MUC5AC: variants seen among roughly 807,000 people sequenced by gnomAD.
MUC5AC encodes mucin 5AC, oligomeric mucus/gel-forming, also known as mucin-5AC.
Under a neutral mutation model 169.7 loss-of-function variants are expected in MUC5AC, and 158 were observed. That is an observed-to-expected ratio of 0.93 (90% CI 0.82 to 1.06). The LOEUF (loss-of-function observed/expected upper bound fraction) is 1.06. MUC5AC is among the 50% of genes least tolerant of loss of function. The pLI is 0.00. For synonymous variants in MUC5AC, 1,975 were observed against 1,237.0 expected (o/e 1.60, Z -12.52); for missense variants, 4,359 against 3,089.9 (o/e 1.41, Z -9.74).
Position 1,188,683 on chromosome 11 carries a change from C to T in MUC5AC, c.10538C>T (p.Ser3513Phe). Residue 3513 changes from serine to phenylalanine, a missense_variant, in exon 31 of 49, where the codon TCC becomes TTC. Coordinates refer to ENST00000621226, the MANE Select transcript of MUC5AC (RefSeq NM_001304359.2). ...GTTTCTGTATCCAAGACAACCCACT[C>T]CCAACCAGTCACCAGAGACTGTCAT... ...SHVSVSKTTH[S>F]QPVTRDCHPR... The T allele has an allele frequency of 6.5e-6, 5 of 765,020 alleles. No homozygotes were observed. The highest frequency in any genetic ancestry group is 5.4e-5 in the South Asian group (4 of 74,602). The allele number at this position is 765,020 out of a possible 1,614,324, so 47.4% of individuals were successfully genotyped here.
intron 15 of MUC5AC, among the ~76,000 whole-genome samples, chr11:1,170,684 TTCACCCACTCACCCAC>T (rs1437196276): frequency 1.5e-5 from 1 of 68,658 alleles, no homozygotes; most frequent in Non-Finnish European, 2.8e-5. Context: ...AACTCACCCA[TTCACCCACTCACCCAC>T]TCACTCACCC....
At position 1,193,606 on chromosome 11, in the gene MUC5AC, C is replaced by T. The variant is rs752095484; in HGVS notation, c.14702C>T (p.Pro4901Leu). The change falls in exon 33 of 49, where the codon CCG becomes CTG. Residue 4901 changes from proline to leucine, a missense_variant. Pro to Leu is a moderately conservative substitution (Grantham distance 98). Transcript: ENST00000621226. Reference protein sequence around the residue: ...VEKPTCANGYPAVKVADQDGC... With the variant: ...VEKPTCANGYLAVKVADQDGC... ...AAGCCCACTTGTGCCAACGGCTACC[C>T]GGCTGTGAAGGTGGCTGACCAAGAT... 9 of 764,990 alleles carry T rather than the reference C, an allele frequency of 1.2e-5. No individual in the cohort carries two copies. The highest frequency in any genetic ancestry group is 4.0e-5 in the South Asian group (3 of 74,614). The allele number at this position is 764,990 out of a possible 1,614,324, so 47.4% of individuals were successfully genotyped here.
chr11:1,200,542 G>A lies in MUC5AC; in HGVS notation c.16805G>A (p.Arg5602Gln), dbSNP rs910203844. Residue 5602 changes from arginine (R) to glutamine (Q), a missense_variant, in exon 49 of 49, where the codon CGG becomes CAG. Coordinates refer to ENST00000621226, the MANE Select transcript of MUC5AC (RefSeq NM_001304359.2). The stretch of plus-strand genomic sequence containing the variant: ...CTGCACTGCACCGACGGCTCCAGCC[G>A]GGCCTTCAGCTACACCGAGGTGGAA... ...VTLHCTDGSS[R>Q]AFSYTEVEEC... is the part of the protein sequence containing the mutation. The A allele has an allele frequency of 2.2e-5, 17 of 763,770 alleles. No individual in the cohort carries two copies. The highest frequency in any genetic ancestry group is 2.7e-5 in the South Asian group (2 of 74,460). The allele number at this position is 763,770 out of a possible 1,614,324, so 47.3% of individuals were successfully genotyped here. A position where few individuals can be genotyped will look rare whatever the true frequency, so the allele number is the denominator to read the frequency against.
chr11:1,194,724 C>A (rs1051727945), intron 35 of MUC5AC, 54 bp downstream of exon 35: 1 of 698,818 alleles, frequency 1.4e-6, no homozygotes, highest in African/African-American at 1.7e-5. Flanking sequence ...GCGGGGGTGC[C>A]GGGCAGGGGC....
chr11:1,171,278 TCAC>T (rs1860516970), intron 15 of MUC5AC, among the ~76,000 whole-genome samples: 4 of 105,828 alleles, frequency 3.8e-5, no homozygotes, highest in Admixed American at 9.3e-5. Flanking sequence ...ACTCACCCAC[TCAC>T]TCACCCATTC....
chr11:1,199,175 A>G lies in MUC5AC; in HGVS notation c.16385A>G (p.His5462Arg), dbSNP rs1213052311. The change falls in exon 45 of 49, where the codon CAC becomes CGC. Residue 5462 changes from histidine to arginine, a missense_variant. By Grantham distance (29) the His-to-Arg change is conservative (BLOSUM62 0). Transcript: ENST00000621226. Reference protein sequence around the residue: ...CVTNTSKSPAHLFYPGETWSD... With the variant: ...CVTNTSKSPARLFYPGETWSD... Reference sequence around the variant, plus strand: ...ACCAACACCAGCAAGAGCCCCGCCCACCTCTTCTACGTGAGTAGTGGCTGC... The same window carrying G: ...ACCAACACCAGCAAGAGCCCCGCCCGCCTCTTCTACGTGAGTAGTGGCTGC... The G allele has an allele frequency of 5.2e-6, 4 of 762,042 alleles. No individual in the cohort carries two copies. Among genetic ancestry groups the G allele is most frequent in the African/African-American group, 3.4e-5 (2 of 59,014 alleles). The allele number at this position is 762,042 out of a possible 1,614,324, so 47.2% of individuals were successfully genotyped here. A position where few individuals can be genotyped will look rare whatever the true frequency, so the allele number is the denominator to read the frequency against.
Position 1,198,519 on chromosome 11 carries a change from C to CGGGGGGCTCT in MUC5AC, c.16173+223_16173+224insTGGGGGGCTC, listed in dbSNP as rs150733892. On this transcript the variant is annotated intron_variant, in intron 43 of 48. Transcript: ENST00000621226. ...ATCTACACCCTGGCCTGCCTGGCTC[C>CGGGGGGCTCT]GGGGGGCTCCGGGGGACTTTGCCTC... Among the ~76,000 whole-genome samples the CGGGGGGCTCT allele has an allele frequency of 5.6e-3, 856 of 152,178 alleles. 4 individuals are homozygous for CGGGGGGCTCT. Among genetic ancestry groups the CGGGGGGCTCT allele is most frequent in the Non-Finnish European group, 7.0e-3 (473 of 67,982 alleles).
At chr11:1,198,188 G>A in intron 42 of MUC5AC, 80 bp from the exon 43 acceptor site, 1 of 710,206 alleles carries the variant, frequency 1.4e-6, no homozygotes. Flanking sequence ...AGGCGCCCAG[G>A]AGGCTGCAGG....
At chr11:1,178,181 C>A (rs1860731039) in intron 24 of MUC5AC, among the ~76,000 whole-genome samples, 1 of 152,254 alleles carries the variant, frequency 6.6e-6, no homozygotes, top group East Asian at 1.9e-4. Flanking sequence ...TCCTTCGAGG[C>A]CACGTCAGCT....
chr11:1,190,471 C>A lies in MUC5AC; in HGVS notation c.12326C>A (p.Pro4109His). 2 of 698,570 alleles carry A rather than the reference C, an allele frequency of 2.9e-6. No homozygotes were observed. Among genetic ancestry groups the A allele is most frequent in the South Asian group, 1.5e-5 (1 of 65,854 alleles). 43.3% of individuals were successfully genotyped at this position (698,570 alleles called of 1,614,324 possible). A position where few individuals can be genotyped will look rare whatever the true frequency, so the allele number is the denominator to read the frequency against. The change falls in exon 31 of 49, where the codon CCT (proline) becomes CAT (histidine). Residue 4109 changes from proline (P) to histidine (H), a missense_variant. Transcript: ENST00000621226. Reference sequence around the variant, plus strand: ...CCACAGACCAGCACAACCTCTGCCCCTACAACCAGCACAATCCCTGCTTCT... The same window carrying A: ...CCACAGACCAGCACAACCTCTGCCCATACAACCAGCACAATCCCTGCTTCT... The part of the protein sequence containing the change: ...STPQTSTTSA[P>H]TTSTIPASTP...
At chr11:1,162,786 G>A in intron 5 of MUC5AC, 140 bp downstream of exon 5, 1 of 996,754 alleles carries the variant, frequency 1.0e-6, no homozygotes, top group Non-Finnish European at 1.5e-6. Context: ...GGCAAGAACA[G>A]GTGCCCAGAC....
At position 1,189,123 on chromosome 11, in the gene MUC5AC, G is replaced by A; in HGVS notation, c.10978G>A (p.Val3660Met). 1 of 591,122 alleles carries A rather than the reference G, an allele frequency of 1.7e-6. No individual in the cohort carries two copies. The highest frequency in any genetic ancestry group is 3.0e-6 in the Non-Finnish European group (1 of 331,640). The allele number at this position is 591,122 out of a possible 1,614,324, so 36.6% of individuals were successfully genotyped here. ...SWQKSRTTTL[V>M]TSSITSTTQT... ...GCAGAAATCCAGGACAACCACTTTGGTGACAAGCAGCATAACCTCCACTAC... is the reference window on the plus strand; with the variant it reads ...GCAGAAATCCAGGACAACCACTTTGATGACAAGCAGCATAACCTCCACTAC... The change falls in exon 31 of 49, where the codon GTG (valine) becomes ATG (methionine). Residue 3660 changes from valine to methionine, a missense_variant. By Grantham distance (21) the Val-to-Met change is conservative. Transcript: ENST00000621226.
intron 26 of MUC5AC, 75 bp downstream of exon 26, chr11:1,179,323 C>T (rs910620886): frequency 4.5e-4 from 156 of 343,616 alleles, no homozygotes; most frequent in African/African-American, 1.1e-3. Context: ...GCCGCTGATG[C>T]GTGGGGTGTG....
At position 1,196,907 on chromosome 11, in the gene MUC5AC, A is replaced by G. The variant is rs1478399451; in HGVS notation, c.15860A>G (p.Lys5287Arg). The G allele has an allele frequency of 1.3e-6, 1 of 762,998 alleles. No individual in the cohort carries two copies. The highest frequency in any genetic ancestry group is 2.4e-6 in the Non-Finnish European group (1 of 417,068). The allele number at this position is 762,998 out of a possible 1,614,324, so 47.3% of individuals were successfully genotyped here. A position where few individuals can be genotyped will look rare whatever the true frequency, so the allele number is the denominator to read the frequency against. ...RCLGPHGEPV[K>R]VGHTVGMDCQ... ...CTGGGGCCCCACGGAGAGCCGGTGA[A>G]GGTGAGTGGAAGGCATGGCCCAAGA... The change falls in exon 40 of 49, where the codon AAG (lysine) becomes AGG (arginine). Residue 5287 changes from lysine to arginine, a missense_variant and splice_region_variant. By Grantham distance (26) the Lys-to-Arg change is conservative. Transcript: ENST00000621226.
Position 1,181,155 on chromosome 11 carries a change from G to A in MUC5AC, c.3793G>A (p.Gly1265Ser), listed in dbSNP as rs1278107475. 41 of 398,428 alleles carry A rather than the reference G, an allele frequency of 1.0e-4. No homozygotes were observed. Among genetic ancestry groups the A allele is most frequent in the Non-Finnish European group, 1.4e-4 (31 of 226,032 alleles). The allele number at this position is 398,428 out of a possible 1,614,324, so 24.7% of individuals were successfully genotyped here. The change falls in exon 29 of 49, where the codon GGC becomes AGC. Residue 1265 changes from glycine to serine, a missense_variant. Physicochemically the swap from Gly to Ser is moderately conservative, Grantham distance 56. Coordinates refer to ENST00000621226, the MANE Select transcript of MUC5AC (RefSeq NM_001304359.2). ...NCQSCLCTERGVECTYKAEAC... is the reference protein window; with the variant it reads ...NCQSCLCTERSVECTYKAEAC... ...TGTCTCCAGCCTTTGTACGGAGCGC[G>A]GCGTGGAGTGCACCTACAAAGCTGA...
intron 15 of MUC5AC, among the ~76,000 whole-genome samples, chr11:1,169,342 C>T (rs1285951756): frequency 2.0e-5 from 3 of 151,536 alleles, no homozygotes; most frequent in East Asian, 1.9e-4. Context: ...CTCACCCACC[C>T]GTTCACCCAT....
chr11:1,192,882 C>T lies in MUC5AC; in HGVS notation c.14480C>T (p.Pro4827Leu), dbSNP rs772129579. The T allele has an allele frequency of 2.7e-5, 21 of 764,478 alleles. No individual in the cohort carries two copies. The highest frequency in any genetic ancestry group is 4.3e-5 in the Non-Finnish European group (18 of 417,694). The allele number at this position is 764,478 out of a possible 1,614,324, so 47.4% of individuals were successfully genotyped here. Residue 4827 changes from proline (P) to leucine (L), a missense_variant, in exon 32 of 49, where the codon CCG (proline) becomes CTG (leucine). Coordinates refer to ENST00000621226, the MANE Select transcript of MUC5AC (RefSeq NM_001304359.2). ...GTCAGAGGGGTTGACAGTGACTGTC[C>T]GTCCACCACGCTGCCTCCTGCCCCA... ...QVVRGVDSDC[P>L]STTLPPAPAT...
At position 1,174,992 on chromosome 11, in the gene MUC5AC, T is replaced by C; in HGVS notation, c.2203T>C (p.Phe735Leu). ...SEGDITCSVG[F>L]IPVDGCICPK... is the part of the protein sequence containing the mutation. ...GGGGGACATCACCTGCAGTGTTGGC[T>C]TCATCCCCGTGGATGGCTGCATCTG... The change falls in exon 18 of 49, where the codon TTC (phenylalanine) becomes CTC (leucine). Residue 735 changes from phenylalanine to leucine, a missense_variant. By Grantham distance (22) the Phe-to-Leu change is conservative. Coordinates refer to ENST00000621226, the MANE Select transcript of MUC5AC (RefSeq NM_001304359.2). The C allele has an allele frequency of 2.5e-6, 1 of 405,702 alleles. No individual in the cohort carries two copies. The highest frequency in any genetic ancestry group is 4.3e-6 in the Non-Finnish European group (1 of 230,436). 25.1% of individuals were successfully genotyped at this position (405,702 alleles called of 1,614,324 possible).
chr11:1,171,907 C>T (rs901719722), intron 15 of MUC5AC, among the ~76,000 whole-genome samples: 5 of 147,594 alleles, frequency 3.4e-5, no homozygotes, highest in Non-Finnish European at 5.9e-5. Context: ...ACCCATTCAC[C>T]CACTCACCTA....
Sources: gnomAD v4.1 joint callset for allele counts (sites outside exome capture counted in the v4.1 genomes callset) on GRCh38, gnomAD v4.1.1 for gene constraint, MANE v1.5 for transcripts, NCBI Gene and HGNC (gene_info 2026-07-23, HGNC 2026-07-21) for gene names.